The following GPLD1 variants were observed in gnomAD, a reference collection of about 807,000 sequenced individuals.
GPLD1 encodes the protein phosphatidylinositol-glycan-specific phospholipase D.
A neutral mutation model predicts 112.6 loss-of-function variants in GPLD1; 84 were observed. That is an observed-to-expected ratio of 0.75 (90% confidence interval 0.63 to 0.89). The LOEUF (loss-of-function observed/expected upper bound fraction) is 0.89, where lower values mean the gene tolerates loss of function less well. Ranked by LOEUF, GPLD1 falls within the 40% of genes least tolerant of loss-of-function variation. The pLI, the probability that GPLD1 is intolerant of heterozygous loss-of-function variation, is 0.00. For missense variants in GPLD1, 1,044 were observed against 1,051.5 expected, an observed-to-expected ratio of 0.99 and a Z score of 0.10; for synonymous variants, 386 against 403.8, an observed-to-expected ratio of 0.96 and a Z score of 0.53.
At chr6:24,453,426 A>T (rs765196422) in intron 14 of GPLD1, among the ~76,000 whole-genome samples, 12 of 152,224 alleles carry the variant, frequency 7.9e-5, no homozygotes, top group Admixed American at 2.0e-4. Flanking sequence ...ACCTAAGGTC[A>T]GGAGTTTGAG....
chr6:24,478,184 A>G (rs573655407), intron 3 of GPLD1, among the ~76,000 whole-genome samples: 4 of 152,342 alleles, frequency 2.6e-5, no homozygotes, highest in African/African-American at 9.6e-5. Context: ...ATCAAGGGAC[A>G]GTAGAGCTCC....
At chr6:24,452,965 C>A (rs1763139947) in intron 14 of GPLD1, among the ~76,000 whole-genome samples, 2 of 152,076 alleles carry the variant, frequency 1.3e-5, no homozygotes, top group South Asian at 4.1e-4. Flanking sequence ...CCAAAAGCCC[C>A]ACACTCATTG....
In GPLD1 at chr6:24,427,078, C is replaced by T. The variant is rs1762259116; in HGVS notation, c.*1954G>A. On this transcript the variant is annotated 3_prime_UTR_variant, in exon 25 of 25. Transcript: ENST00000230036. ...GGGCTCTTCTCATTTGTTATTTTCTCCTGCTTTTAGTATCATCTCACCCGT... is the reference window on the plus strand; with the variant it reads ...GGGCTCTTCTCATTTGTTATTTTCTTCTGCTTTTAGTATCATCTCACCCGT... Among the ~76,000 whole-genome samples, 1 of 152,198 alleles carries T rather than the reference C, an allele frequency of 6.6e-6. No individual in the cohort carries two copies. The highest frequency in any genetic ancestry group is 2.4e-5 in the African/African-American group (1 of 41,464).
intron 15 of GPLD1, 66 bp downstream of exon 15, chr6:24,449,723 G>T: frequency 3.8e-6 from 4 of 1,040,754 alleles, no homozygotes; most frequent in Non-Finnish European, 2.9e-6. Context: ...TCCCAGCGTT[G>T]GCCTCCCTCA....
chr6:24,437,956 G>A (rs887043674), intron 20 of GPLD1, among the ~76,000 whole-genome samples: 9 of 152,292 alleles, frequency 5.9e-5, no homozygotes, highest in African/African-American at 1.4e-4. Flanking sequence ...ACCGAGTCCA[G>A]TGGGACTTTA....
chr6:24,475,071 G>T, intron 5 of GPLD1, 50 bp downstream of exon 5: 1 of 912,882 alleles, frequency 1.1e-6, no homozygotes, highest in Non-Finnish European at 1.8e-6. Context: ...GATCTTAGGT[G>T]AGACAGTATC....
At chr6:24,429,793 C>T (rs907745194) in intron 24 of GPLD1, among the ~76,000 whole-genome samples, 1 of 152,228 alleles carries the variant, frequency 6.6e-6, no homozygotes, top group Non-Finnish European at 1.5e-5. Flanking sequence ...AGTGATCCAC[C>T]CGCCTCGGCT....
At chr6:24,457,929 G>C (rs1763319952) in intron 12 of GPLD1, among the ~76,000 whole-genome samples, 1 of 151,744 alleles carries the variant, frequency 6.6e-6, no homozygotes, top group Non-Finnish European at 1.5e-5. Context: ...GGTTGTATTT[G>C]CTGCCAGGCA....
chr6:24,475,154 G>GC lies in GPLD1; in HGVS notation c.407dup (p.Leu137ProfsTer2). 2 of 1,608,486 alleles carry GC rather than the reference G, an allele frequency of 1.2e-6. No homozygotes were observed. The highest frequency in any genetic ancestry group is 1.7e-6 in the Non-Finnish European group (2 of 1,174,990). On this transcript the variant is annotated frameshift_variant, in exon 5 of 25. Coordinates refer to ENST00000230036, the MANE Select transcript of GPLD1 (RefSeq NM_001503.4). LOFTEE classifies it high-confidence loss of function. ...TGGTCCTAAGGAATCCTTGTTCAAGGCCCAGACTATGCCAGCTGACATCTG... is the reference window on the plus strand; with the variant it reads ...TGGTCCTAAGGAATCCTTGTTCAAGGCCCCAGACTATGCCAGCTGACATCTG...
At chr6:24,442,032 A>G (rs929442042) in intron 20 of GPLD1, among the ~76,000 whole-genome samples, 8 of 148,388 alleles carry the variant, frequency 5.4e-5, no homozygotes, top group African/African-American at 1.5e-4. Flanking sequence ...TATTATATAC[A>G]TTTATATTAT....
chr6:24,485,668 G>T (rs888140655), intron 2 of GPLD1, among the ~76,000 whole-genome samples: 1 of 146,614 alleles, frequency 6.8e-6, no homozygotes, highest in Non-Finnish European at 1.5e-5. Flanking sequence ...AATAAATAAT[G>T]AGTCTCTTTT....
At chr6:24,494,817 T>G (rs1342452065) in intron 1 of GPLD1, 2 of 664,876 alleles carry the variant, frequency 3.0e-6, no homozygotes, top group Non-Finnish European at 4.2e-6. Flanking sequence ...GGCGCGGCGG[T>G]GCAGCGAGAA....
chr6:24,477,927 G>A (rs555540760), intron 3 of GPLD1, among the ~76,000 whole-genome samples: 1 of 152,236 alleles, frequency 6.6e-6, no homozygotes, highest in South Asian at 2.1e-4. Context: ...TGGAATAAGT[G>A]GAATTTGTAT....
chr6:24,433,067 T>G, intron 24 of GPLD1, 120 bp downstream of exon 24: 1 of 782,164 alleles, frequency 1.3e-6, no homozygotes, highest in South Asian at 1.4e-5. Flanking sequence ...TGTTACTTTC[T>G]GTGTGTTCCT....
At chr6:24,453,646 AAATT>A (rs543630758) in intron 14 of GPLD1, among the ~76,000 whole-genome samples, 10 of 152,068 alleles carry the variant, frequency 6.6e-5, no homozygotes, top group Admixed American at 3.3e-4. Context: ...TCAAATAAAT[AAATT>A]AATTAATTAA....
chr6:24,474,726 G>T (rs1469055400), intron 5 of GPLD1, among the ~76,000 whole-genome samples: 1 of 152,116 alleles, frequency 6.6e-6, no homozygotes, highest in African/African-American at 2.4e-5. Flanking sequence ...CAGATCATGA[G>T]GTCAGGAGAT....
rs925882794 is a variant in GPLD1, at chr6:24,481,848, T to C, written c.154-1889A>G. The stretch of plus-strand genomic sequence containing the variant: ...ACTTTTTTCCAAAAGATAGCTTGAG[T>C]TGGACTTTTTTCACTTAAAAATAGT... On this transcript the variant is annotated intron_variant, in intron 2 of 24. Coordinates refer to ENST00000230036, the MANE Select transcript of GPLD1 (RefSeq NM_001503.4). Among the ~76,000 whole-genome samples the C allele has an allele frequency of 5.3e-5, 8 of 152,264 alleles. No individual in the cohort carries two copies. In the East Asian group the frequency reaches 1.4e-3, roughly 26 times the overall value.
intron 24 of GPLD1, 121 bp downstream of exon 24, chr6:24,433,064 TTC>T: frequency 1.3e-6 from 1 of 777,270 alleles, no homozygotes; most frequent in Non-Finnish European, 2.4e-6. Flanking sequence ...GAATGTTACT[TTC>T]TGTGTGTTCC....
At chr6:24,442,898 C>T (rs1458626019) in intron 20 of GPLD1, among the ~76,000 whole-genome samples, 3 of 151,950 alleles carry the variant, frequency 2.0e-5, no homozygotes, top group Non-Finnish European at 4.4e-5. Flanking sequence ...TTATATTGGA[C>T]TTTATCATAG....
Sources: gnomAD v4.1 joint callset for allele counts (sites outside exome capture counted in the v4.1 genomes callset) on GRCh38, gnomAD v4.1.1 for gene constraint, MANE v1.5 for transcripts, NCBI Gene and HGNC (gene_info 2026-07-23, HGNC 2026-07-21) for gene names.